ATXN7L1: variants seen among roughly 807,000 people sequenced by gnomAD.
The protein encoded by ATXN7L1 is ataxin 7 like 1, also known as ataxin-7-like protein 1.
ATXN7L1 carries 15 observed loss-of-function variants against 70.8 expected under a neutral mutation model. The observed-to-expected ratio is 0.21, with a 90% CI of 0.14 to 0.33. ATXN7L1 has a LOEUF of 0.33. Ranked by LOEUF, ATXN7L1 falls within the 10% of genes least tolerant of loss-of-function variation. The pLI, the probability that ATXN7L1 is intolerant of heterozygous loss-of-function variation, is 1.00. For missense variants in ATXN7L1, 975 were observed against 1,097.1 expected (o/e 0.89, Z 1.57); for synonymous variants, 440 against 445.1 (o/e 0.99, Z 0.14).
chr7:105,778,510 C>CAAAAAAAA (rs745820046), intron 3 of ATXN7L1, among the ~76,000 whole-genome samples: 17 of 34,122 alleles, frequency 5.0e-4, no homozygotes, highest in Middle Eastern at 0.013. Flanking sequence ...GACCCTATCT[C>CAAAAAAAA]AAAAAAAAAA....
In ATXN7L1 at chr7:105,727,746, G is replaced by GTGTATA. The variant is rs1333693053; in HGVS notation, c.355+60857_355+60858insTATACA. Among the ~76,000 whole-genome samples the GTGTATA allele has an allele frequency of 3.3e-3, 181 of 55,322 alleles. 7 individuals carry two copies. Among genetic ancestry groups the GTGTATA allele is most frequent in the East Asian group, 0.032 (34 of 1,070 alleles). The allele number at this position is 55,322 out of a possible 152,430, so 36.3% of individuals were successfully genotyped here. ...CATAGGGGTGTGTGTGTGTATGTGTGTATATATATATATATATATATATAT... is the reference window on the plus strand; with the variant it reads ...CATAGGGGTGTGTGTGTGTATGTGTGTGTATATATATATATATATATATATATATAT... On this transcript the variant is annotated intron_variant, in intron 3 of 11. Transcript: ENST00000419735.
intron 3 of ATXN7L1, among the ~76,000 whole-genome samples, chr7:105,726,896 A>G (rs1462807792): frequency 6.6e-6 from 1 of 152,220 alleles, no homozygotes; most frequent in African/African-American, 2.4e-5. Flanking sequence ...ACCATTATAG[A>G]CACTATCCCT....
intron 2 of ATXN7L1, among the ~76,000 whole-genome samples, chr7:105,792,323 T>G (rs992642951): frequency 1.3e-5 from 2 of 152,200 alleles, no homozygotes; most frequent in Non-Finnish European, 2.9e-5. Context: ...TATTCCTCAG[T>G]GAGTCAACCT....
At chr7:105,643,303 CA>C (rs760844392) in intron 4 of ATXN7L1, among the ~76,000 whole-genome samples, 182 bp from the exon 5 acceptor site, 5 of 152,098 alleles carry the variant, frequency 3.3e-5, no homozygotes, top group Non-Finnish European at 5.9e-5. Context: ...AAAGGATCAA[CA>C]GGGGGTGCGA....
intron 3 of ATXN7L1, among the ~76,000 whole-genome samples, chr7:105,729,676 T>C (rs1204584308): frequency 6.6e-6 from 1 of 151,832 alleles, no homozygotes; most frequent in East Asian, 1.9e-4. Flanking sequence ...GTGATCCACC[T>C]GCCTTGGCCT....
chr7:105,699,496 C>T (rs962496491), intron 3 of ATXN7L1, among the ~76,000 whole-genome samples: 4 of 152,168 alleles, frequency 2.6e-5, no homozygotes, highest in Admixed American at 2.6e-4. Context: ...TTTTTGATAA[C>T]TCAAAGTCAC....
chr7:105,702,922 T>G (rs964755651), intron 3 of ATXN7L1, among the ~76,000 whole-genome samples: 1 of 152,036 alleles, frequency 6.6e-6, no homozygotes, highest in African/African-American at 2.4e-5. Context: ...ATCGAGACCA[T>G]CCTGACTAAC....
intron 11 of ATXN7L1, 61 bp from the exon 12 acceptor site, chr7:105,607,951 AT>A: frequency 7.0e-7 from 1 of 1,434,572 alleles, no homozygotes; most frequent in Non-Finnish European, 9.6e-7. Context: ...ACCCATGAGA[AT>A]TCAAGGATGG....
At chr7:105,752,743 A>G (rs1011157233) in intron 3 of ATXN7L1, among the ~76,000 whole-genome samples, 10 of 152,178 alleles carry the variant, frequency 6.6e-5, no homozygotes, top group African/African-American at 2.4e-4. Flanking sequence ...AGGTCCTAAA[A>G]TGTGGCTTTT....
intron 2 of ATXN7L1, among the ~76,000 whole-genome samples, chr7:105,827,485 T>A (rs1276387996): frequency 1.3e-5 from 2 of 152,198 alleles, no homozygotes; most frequent in African/African-American, 4.8e-5. Context: ...TTGAACACCA[T>A]GGGTTTGAAT....
At chr7:105,753,874 G>A (rs997191684) in intron 3 of ATXN7L1, among the ~76,000 whole-genome samples, 1 of 152,290 alleles carries the variant, frequency 6.6e-6, no homozygotes, top group African/African-American at 2.4e-5. Flanking sequence ...TCTGAATCCT[G>A]ATGAGGCTTT....
chr7:105,699,331 C>T (rs976859574), intron 3 of ATXN7L1, among the ~76,000 whole-genome samples: 1 of 152,012 alleles, frequency 6.6e-6, no homozygotes. Flanking sequence ...AGGATTTTGC[C>T]GTGTTGGCCA....
chr7:105,815,151 C>T (rs1434513302), intron 2 of ATXN7L1, among the ~76,000 whole-genome samples: 1 of 152,140 alleles, frequency 6.6e-6, no homozygotes, highest in African/African-American at 2.4e-5. Context: ...CTCTCTCAGA[C>T]GTTCTGAAAA....
intron 3 of ATXN7L1, among the ~76,000 whole-genome samples, chr7:105,746,336 C>T (rs983818414): frequency 6.6e-6 from 1 of 152,234 alleles, no homozygotes; most frequent in African/African-American, 2.4e-5. Context: ...ATAAAATCTG[C>T]ATCCTTAGAA....
chr7:105,641,212 C>CTTTTTTT (rs1330033741), intron 5 of ATXN7L1, among the ~76,000 whole-genome samples: 45 of 64,022 alleles, frequency 7.0e-4, no homozygotes, highest in African/African-American at 1.8e-3. Flanking sequence ...CTCTCTCTCT[C>CTTTTTTT]TCTTTTTTTT....
intron 3 of ATXN7L1, among the ~76,000 whole-genome samples, chr7:105,680,924 T>C (rs1238971623): frequency 6.6e-6 from 1 of 152,218 alleles, no homozygotes; most frequent in African/African-American, 2.4e-5. Context: ...TTCTAGAGCA[T>C]TGGCCCCTGC....
intron 3 of ATXN7L1, among the ~76,000 whole-genome samples, chr7:105,692,595 C>T (rs1205965555): frequency 6.6e-6 from 1 of 151,906 alleles, no homozygotes; most frequent in Non-Finnish European, 1.5e-5. Context: ...TACAGGCATG[C>T]ACCACTACGC....
intron 2 of ATXN7L1, among the ~76,000 whole-genome samples, chr7:105,852,984 G>A (rs1815105588): frequency 3.9e-5 from 6 of 152,098 alleles, no homozygotes; most frequent in Admixed American, 3.9e-4. Flanking sequence ...CCCCTTATAT[G>A]AGGGGAATAG....
chr7:105,708,580 T>C (rs1008610011), intron 3 of ATXN7L1, among the ~76,000 whole-genome samples: 1 of 152,252 alleles, frequency 6.6e-6, no homozygotes, highest in African/African-American at 2.4e-5. Flanking sequence ...ATTTTCCCAC[T>C]GTGAAATGGG....
Sources: allele counts gnomAD v4.1 joint callset (sites outside exome capture counted in the v4.1 genomes callset), GRCh38; gene constraint gnomAD v4.1.1; transcripts MANE v1.5; gene names NCBI Gene and HGNC (gene_info 2026-07-23, HGNC 2026-07-21).